KIAA1217: variants seen among roughly 807,000 people sequenced by gnomAD.
The protein encoded by KIAA1217 is sickle tail protein homolog.
A neutral mutation model predicts 163.9 loss-of-function variants in KIAA1217; 88 were observed. That is an observed-to-expected ratio of 0.54 (90% CI 0.45 to 0.64). The LOEUF (loss-of-function observed/expected upper bound fraction) is 0.64. Ranked by LOEUF, KIAA1217 falls within the 30% of genes least tolerant of loss-of-function variation. KIAA1217 has a pLI of 0.00. For missense variants in KIAA1217, 2,372 were observed against 2,475.0 expected (o/e 0.96, Z 0.88); for synonymous variants, 903 against 923.1 (o/e 0.98, Z 0.39).
Position 24,365,280 on chromosome 10 carries a change from C to T in KIAA1217, c.355-15589C>T, listed in dbSNP as rs144060516. 2.1e-3 allele frequency among the ~76,000 whole-genome samples: 323 copies of T among 152,242 alleles called. 1 individual carries two copies. Among genetic ancestry groups the T allele is most frequent in the African/African-American group, 7.3e-3 (305 of 41,544 alleles). On this transcript the variant is annotated intron_variant, in intron 2 of 20. Transcript: ENST00000376454. ...CCTCCTGGCAGACTCACTGGGACTCCGGTCTCTTCCATTACCACTTTCCAT... is the reference window on the plus strand; with the variant it reads ...CCTCCTGGCAGACTCACTGGGACTCTGGTCTCTTCCATTACCACTTTCCAT...
In KIAA1217 at chr10:23,895,279, T is replaced by G. The variant is rs192905239; in HGVS notation, c.-320-111946T>G. On this transcript the variant is annotated intron_variant, in intron 1 of 18. Transcript: ENST00000376462. ...CTTATATCCAGAATCTACAATGAAC[T>G]CAAACAAATTTACAAGAAAAAAACA... Among the ~76,000 whole-genome samples the G allele has an allele frequency of 3.5e-3, 525 of 151,960 alleles. 7 individuals are homozygous for G. The highest frequency in any genetic ancestry group is 0.011 in the African/African-American group (453 of 41,424).
At chr10:24,245,860 A>G (rs2131383829) in intron 2 of KIAA1217, among the ~76,000 whole-genome samples, 1 of 150,672 alleles carries the variant, frequency 6.6e-6, no homozygotes, top group East Asian at 2.0e-4. Flanking sequence ...CTGGTCTCAG[A>G]CTCCTGGGCT....
chr10:23,733,174 C>G (rs866323560), intron 1 of KIAA1217, among the ~76,000 whole-genome samples: 1 of 151,964 alleles, frequency 6.6e-6, no homozygotes, highest in Non-Finnish European at 1.5e-5. Flanking sequence ...CCACCACACC[C>G]GGCTAATTTT....
chr10:24,085,660 C>T (rs1004631537), intron 2 of KIAA1217, among the ~76,000 whole-genome samples: 1 of 150,870 alleles, frequency 6.6e-6, no homozygotes, highest in Non-Finnish European at 1.5e-5. Context: ...TAAATACACA[C>T]AATTTCAGTT....
At chr10:23,718,636 A>G (rs1425346802) in intron 1 of KIAA1217, among the ~76,000 whole-genome samples, 1 of 138,640 alleles carries the variant, frequency 7.2e-6, no homozygotes, top group Non-Finnish European at 1.5e-5. Flanking sequence ...AGGAAAAACT[A>G]AAAAAAAAAA....
At chr10:24,524,206 T>A (rs1592654879) in intron 12 of KIAA1217, 117 bp from the exon 13 acceptor site, 1 of 1,023,992 alleles carries the variant, frequency 9.8e-7, no homozygotes, top group East Asian at 2.4e-5. Context: ...CCTAAGCGGC[T>A]ACTCTGAGCT....
chr10:24,211,361 C>CTTTTT (rs1201397959), intron 1 of KIAA1217, among the ~76,000 whole-genome samples: 13 of 60,200 alleles, frequency 2.2e-4, no homozygotes, highest in African/African-American at 7.8e-4. Flanking sequence ...GGTGGGACTA[C>CTTTTT]TTTTTTTTTT....
At chr10:24,040,404 C>T (rs981116083) in intron 2 of KIAA1217, among the ~76,000 whole-genome samples, 6 of 152,162 alleles carry the variant, frequency 3.9e-5, no homozygotes, top group Non-Finnish European at 7.3e-5. Context: ...AGAAAGGCGA[C>T]TGCTAATATG....
intron 2 of KIAA1217, among the ~76,000 whole-genome samples, chr10:24,102,973 G>A (rs2062475969): frequency 6.6e-6 from 1 of 152,120 alleles, no homozygotes; most frequent in Non-Finnish European, 1.5e-5. Flanking sequence ...ATAAATGGGA[G>A]ATCCCCTGCA....
At chr10:24,154,149 G>C (rs926957283) in intron 2 of KIAA1217, among the ~76,000 whole-genome samples, 1 of 151,626 alleles carries the variant, frequency 6.6e-6, no homozygotes, top group Non-Finnish European at 1.5e-5. Context: ...AGTAGAGACG[G>C]GGTTTCACCG....
At chr10:24,491,701 G>A (rs539206246) in intron 6 of KIAA1217, among the ~76,000 whole-genome samples, 1 of 152,282 alleles carries the variant, frequency 6.6e-6, no homozygotes, top group Admixed American at 6.5e-5. Flanking sequence ...CATTGTTCTT[G>A]TGGCCAGCGA....
intron 1 of KIAA1217, among the ~76,000 whole-genome samples, chr10:23,844,293 T>A (rs1302712819): frequency 3.3e-5 from 5 of 152,170 alleles, no homozygotes; most frequent in Admixed American, 2.6e-4. Flanking sequence ...TGTGAGTTTA[T>A]GCCTTTTAAA....
At chr10:24,008,812 C>T (rs1215416592) in intron 2 of KIAA1217, among the ~76,000 whole-genome samples, 1 of 152,138 alleles carries the variant, frequency 6.6e-6, no homozygotes, top group Non-Finnish European at 1.5e-5. Flanking sequence ...TTAGATGCTG[C>T]CGTAACACGA....
At chr10:23,731,581 C>G (rs1838479619) in intron 1 of KIAA1217, among the ~76,000 whole-genome samples, 1 of 152,104 alleles carries the variant, frequency 6.6e-6, no homozygotes. Flanking sequence ...GGGAAGAAAG[C>G]CTAAGCCCGG....
In KIAA1217 at chr10:24,542,715, A is replaced by G; in HGVS notation, c.3557A>G (p.Asp1186Gly). The G allele has an allele frequency of 1.2e-6, 2 of 1,614,204 alleles. No individual in the cohort carries two copies. Among genetic ancestry groups the G allele is most frequent in the Non-Finnish European group, 1.7e-6 (2 of 1,180,000 alleles). Residue 1186 changes from aspartate (D) to glycine (G), a missense_variant, in exon 18 of 21, where the codon GAT becomes GGT. Physicochemically the swap from Asp to Gly is moderately conservative, Grantham distance 94. Coordinates refer to ENST00000376454, the MANE Select transcript of KIAA1217 (RefSeq NM_019590.5). ...CAGAATTTGGAATTTTTCCATGAAG[A>G]TGTACGGAAATCTGATGTTGAATAT... ...EKKNLEFFHE[D>G]VRKSDVEYEN...
intron 1 of KIAA1217, among the ~76,000 whole-genome samples, chr10:23,863,261 G>A (rs1259565152): frequency 6.6e-6 from 1 of 152,118 alleles, no homozygotes; most frequent in African/African-American, 2.4e-5. Flanking sequence ...CCAAACTCCC[G>A]ATCTTAATTC....
intron 2 of KIAA1217, among the ~76,000 whole-genome samples, chr10:24,149,189 G>GT (rs1467388551): frequency 6.6e-6 from 1 of 151,864 alleles, no homozygotes. Flanking sequence ...TATGTTTTTT[G>GT]TTTTTTTAAA....
intron 1 of KIAA1217, among the ~76,000 whole-genome samples, chr10:23,998,522 A>C (rs1055384783): frequency 6.6e-6 from 1 of 152,256 alleles, no homozygotes; most frequent in African/African-American, 2.4e-5. Flanking sequence ...CCCAATCTGC[A>C]GACAAGGCAC....
chr10:23,790,859 C>T (rs568076292), intron 1 of KIAA1217, among the ~76,000 whole-genome samples: 4 of 151,924 alleles, frequency 2.6e-5, no homozygotes, highest in Non-Finnish European at 4.4e-5. Context: ...TCAGCACCCC[C>T]CAATAGCTGG....
Sources: gnomAD v4.1 joint callset for allele counts (sites outside exome capture counted in the v4.1 genomes callset) on GRCh38, gnomAD v4.1.1 for gene constraint, MANE v1.5 for transcripts, NCBI Gene and HGNC (gene_info 2026-07-23, HGNC 2026-07-21) for gene names.